Variants in ZNF732 observed in about 807,000 individuals in gnomAD.
ZNF732 encodes the protein zinc finger protein LOC654254.
A neutral mutation model predicts 11.5 loss-of-function variants in ZNF732; 12 were observed. That is an observed-to-expected ratio of 1.05 (90% CI 0.67 to 1.70). The LOEUF is 1.70. ZNF732 is among the 40% of genes most tolerant of loss of function. The pLI is 0.00. For missense variants in ZNF732, 702 were observed against 676.9 expected, an observed-to-expected ratio of 1.04 and a Z score of -0.41; for synonymous variants, 231 against 236.5, an observed-to-expected ratio of 0.98 and a Z score of 0.21.
intron 3 of ZNF732, among the ~76,000 whole-genome samples, chr4:284,352 A>C (rs1553840280): frequency 5.3e-5 from 8 of 152,360 alleles, no homozygotes; most frequent in African/African-American, 1.9e-4. Context: ...AAAGAAAAGA[A>C]AAATCAGAAA....
chr4:305,209 A>G, intron 1 of ZNF732, 99 bp downstream of exon 1: 2 of 1,438,914 alleles, frequency 1.4e-6, no homozygotes, highest in Non-Finnish European at 1.8e-6. Flanking sequence ...GAGCGGCGGC[A>G]GCGGAGACTC....
intron 3 of ZNF732, among the ~76,000 whole-genome samples, chr4:293,486 A>G (rs1310302689): frequency 6.6e-6 from 1 of 152,014 alleles, no homozygotes; most frequent in African/African-American, 2.4e-5. Flanking sequence ...AAAAATGTCA[A>G]CTCATAAAAG....
chr4:304,488 C>T (rs1048187641), intron 1 of ZNF732, among the ~76,000 whole-genome samples: 1 of 152,158 alleles, frequency 6.6e-6, no homozygotes, highest in Non-Finnish European at 1.5e-5. Context: ...CCAACCCCAA[C>T]GCGGTGTCCA....
At chr4:292,057 A>T (rs138758537) in intron 3 of ZNF732, among the ~76,000 whole-genome samples, 13 of 152,300 alleles carry the variant, frequency 8.5e-5, no homozygotes, top group African/African-American at 2.9e-4. Context: ...CATACCCCAA[A>T]ATTAACTCAA....
intron 1 of ZNF732, among the ~76,000 whole-genome samples, chr4:297,607 TAA>T (rs57681246): frequency 0.65 from 65,164 of 100,700 alleles, 20,150 homozygotes; most frequent in Non-Finnish European, 0.7. Flanking sequence ...TTAAGATTTG[TAA>T]AAAAAAAAAA....
intron 3 of ZNF732, among the ~76,000 whole-genome samples, chr4:279,971 T>C (rs201806159): frequency 1.3e-5 from 2 of 152,190 alleles, no homozygotes; most frequent in East Asian, 3.8e-4. Flanking sequence ...GAATTACACA[T>C]ATATTTTAAA....
chr4:285,633 A>G (rs1396598714), intron 3 of ZNF732, among the ~76,000 whole-genome samples: 1 of 152,148 alleles, frequency 6.6e-6, no homozygotes, highest in Non-Finnish European at 1.5e-5. Context: ...CCCCCGGAGG[A>G]TACCTAGAAT....
At chr4:293,738 T>C (rs540273564) in intron 3 of ZNF732, among the ~76,000 whole-genome samples, 3 of 152,338 alleles carry the variant, frequency 2.0e-5, no homozygotes, top group East Asian at 1.9e-4. Flanking sequence ...GAGTAATAGA[T>C]GTGTTGATCA....
intron 2 of ZNF732, 113 bp downstream of exon 2, chr4:295,916 G>T: frequency 7.6e-7 from 1 of 1,310,194 alleles, no homozygotes. Flanking sequence ...GTTTCTTGAA[G>T]AAAGAAACTG....
At chr4:281,616 CAGTAGT>C (rs1560159150) in intron 3 of ZNF732, among the ~76,000 whole-genome samples, 1 of 152,198 alleles carries the variant, frequency 6.6e-6, no homozygotes, top group Non-Finnish European at 1.5e-5. Context: ...ACTGCAAACC[CAGTAGT>C]AGCTACGTGA....
At chr4:292,566 A>C (rs1439206244) in intron 3 of ZNF732, among the ~76,000 whole-genome samples, 6 of 151,618 alleles carry the variant, frequency 4.0e-5, no homozygotes, top group Admixed American at 1.3e-4. Context: ...TCAAAAAAAA[A>C]AAAAAAAAGT....
chr4:279,968 A>C (rs1173496501), intron 3 of ZNF732, among the ~76,000 whole-genome samples: 4 of 152,336 alleles, frequency 2.6e-5, no homozygotes, highest in African/African-American at 9.6e-5. Context: ...TCTGAATTAC[A>C]CATATATTTT....
chr4:279,221 G>A (rs970397683), intron 3 of ZNF732, among the ~76,000 whole-genome samples: 3 of 151,706 alleles, frequency 2.0e-5, no homozygotes, highest in Non-Finnish European at 2.9e-5. Flanking sequence ...GGCAGATCAC[G>A]AGGTCAGAAG....
chr4:271,484 G>T lies in ZNF732; in HGVS notation c.1373C>A (p.Ser458Tyr). Residue 458 changes from serine (S) to tyrosine (Y), a missense_variant, in exon 4 of 4, where the codon TCT (serine) becomes TAT (tyrosine). Physicochemically the swap from Ser to Tyr is moderately radical, Grantham distance 144 (BLOSUM62 -2). Transcript: ENST00000419098. ...TTTCTTATGTTTACTCAGGTATGCA[G>T]ACCATCCAAAGGCTTTGCCACACTC... ...CEECGKAFGW[S>Y]AYLSKHKKIH... The T allele has an allele frequency of 6.2e-7, 1 of 1,610,370 alleles. No homozygotes were observed. The highest frequency in any genetic ancestry group is 8.5e-7 in the Non-Finnish European group (1 of 1,178,200).
rs539590767 is a variant in ZNF732, at chr4:284,856, G to A, written c.226+10582C>T. Among the ~76,000 whole-genome samples the A allele has an allele frequency of 4.9e-4, 58 of 119,012 alleles. 1 individual carries two copies. The highest frequency in any genetic ancestry group is 1.6e-3 in the African/African-American group (51 of 31,830). 78.1% of individuals were successfully genotyped at this position (119,012 alleles called of 152,430 possible). A position where few individuals can be genotyped will look rare whatever the true frequency, so the allele number is the denominator to read the frequency against. ...ACTGCACTCCAGCCCGGGCCACAGAGTGAGACTCTGTCTCAAAAAAAAAAA... is the reference window on the plus strand; with the variant it reads ...ACTGCACTCCAGCCCGGGCCACAGAATGAGACTCTGTCTCAAAAAAAAAAA... On this transcript the variant is annotated intron_variant, in intron 3 of 3. Transcript: ENST00000419098.
chr4:303,793 G>T (rs902107626), intron 1 of ZNF732, among the ~76,000 whole-genome samples: 5 of 152,190 alleles, frequency 3.3e-5, no homozygotes, highest in Non-Finnish European at 7.3e-5. Context: ...ATTCTCGCAG[G>T]CAAGTGAGGG....
intron 3 of ZNF732, among the ~76,000 whole-genome samples, chr4:275,431 G>C (rs931836726): frequency 3.3e-5 from 5 of 151,630 alleles, no homozygotes; most frequent in African/African-American, 1.2e-4. Context: ...TTAAGAAACA[G>C]TGAAGTACCC....
rs114784277 is a variant in ZNF732, at chr4:289,120, A to T, written c.226+6318T>A. Among the ~76,000 whole-genome samples the T allele has an allele frequency of 3.6e-3, 549 of 152,356 alleles. 4 individuals are homozygous for T. Among genetic ancestry groups the T allele is most frequent in the African/African-American group, 0.012 (518 of 41,580 alleles). ...GTGAGTCATCTCACATGGTAGAAGC[A>T]GGAGCAAGTGTGTGGAAGAAGCTGC... On this transcript the variant is annotated intron_variant, in intron 3 of 3. Transcript: ENST00000419098.
chr4:279,728 C>T (rs1418924328), intron 3 of ZNF732, among the ~76,000 whole-genome samples: 3 of 152,044 alleles, frequency 2.0e-5, no homozygotes, highest in Admixed American at 1.3e-4. Flanking sequence ...TTTACATCTA[C>T]CTAAAAAGGT....
Sources: allele counts gnomAD v4.1 joint callset (sites outside exome capture counted in the v4.1 genomes callset), GRCh38; gene constraint gnomAD v4.1.1; transcripts MANE v1.5; gene names NCBI Gene and HGNC (gene_info 2026-07-23, HGNC 2026-07-21).